PTBP2: variants seen among roughly 807,000 people sequenced by gnomAD.
PTBP2 encodes the protein polypyrimidine tract-binding protein 2.
A neutral mutation model predicts 61.4 loss-of-function variants in PTBP2; 13 were observed. That is an observed-to-expected ratio of 0.21 (90% CI 0.14 to 0.34). PTBP2 has a LOEUF of 0.34. Among genes scored for constraint, PTBP2 ranks in the 10% least tolerant of loss-of-function variants. PTBP2 has a pLI of 1.00. For synonymous variants in PTBP2, 215 were observed against 218.5 expected (o/e 0.98, Z 0.14); for missense variants, 405 against 642.6 (o/e 0.63, Z 4.00).
Position 96,777,920 on chromosome 1 carries a change from C to G in PTBP2, c.682C>G (p.Pro228Ala). The G allele has an allele frequency of 6.4e-7, 1 of 1,574,366 alleles. No homozygotes were observed. The highest frequency in any genetic ancestry group is 2.3e-5 in the East Asian group (1 of 44,126). The change falls in exon 7 of 14, where the codon CCA becomes GCA. Residue 228 changes from proline (P) to alanine (A), a missense_variant. Around this residue, in one of 4 missense-constraint regions of PTBP2, gnomAD observed 342 missense variants for 491.2 expected, o/e 0.70. Transcript: ENST00000674951. ...QFQALLQYGD[P>A]VNAQQAKLAL... ...TCAAGCTTTGCTCCAGTATGGTGAT[C>G]CAGTAAATGCTCAACAAGCAAAACT...
chr1:96,785,656 A>T (rs1659132877), intron 8 of PTBP2, among the ~76,000 whole-genome samples: 1 of 152,180 alleles, frequency 6.6e-6, no homozygotes, highest in Admixed American at 6.5e-5. Flanking sequence ...TTAATTTAGC[A>T]TTGCATGGAA....
At chr1:96,806,346 C>T in intron 9 of PTBP2, 73 bp from the exon 10 acceptor site, 1 of 1,190,000 alleles carries the variant, frequency 8.4e-7, no homozygotes, top group Non-Finnish European at 1.3e-6. Context: ...TATGGATGAT[C>T]TGTTCATCTC....
At chr1:96,723,535 G>A (rs3762411) in intron 1 of PTBP2, 29 bp from the exon 2 acceptor site, 825,754 of 1,554,760 alleles carry the variant, frequency 0.53, 223,035 homozygotes, top group African/African-American at 0.71. Flanking sequence ...AATAACAGGA[G>A]GTTGAAACTA....
At chr1:96,805,777 G>A (rs565283946) in intron 9 of PTBP2, among the ~76,000 whole-genome samples, 1 of 152,208 alleles carries the variant, frequency 6.6e-6, no homozygotes, top group African/African-American at 2.4e-5. Context: ...TTGAATCAGA[G>A]TGCCTTTGTT....
chr1:96,728,930 A>G (rs754329351), intron 2 of PTBP2, among the ~76,000 whole-genome samples: 37 of 151,928 alleles, frequency 2.4e-4, no homozygotes, highest in African/African-American at 6.0e-4. Context: ...TTAATTTCCA[A>G]TTGTTTGCTA....
chr1:96,800,033 G>A (rs1660813555), intron 8 of PTBP2, among the ~76,000 whole-genome samples: 1 of 152,182 alleles, frequency 6.6e-6, no homozygotes, highest in South Asian at 2.1e-4. Flanking sequence ...GCCGCGGGGA[G>A]GAAATAATGA....
At chr1:96,752,839 G>A (rs536327895) in intron 3 of PTBP2, among the ~76,000 whole-genome samples, 1 of 152,214 alleles carries the variant, frequency 6.6e-6, no homozygotes, top group South Asian at 2.1e-4. Context: ...CTGTTGTTTG[G>A]AAGTGATGAG....
At chr1:96,754,209 C>T (rs372071042) in intron 3 of PTBP2, among the ~76,000 whole-genome samples, 61 of 152,126 alleles carry the variant, frequency 4.0e-4, no homozygotes, top group African/African-American at 1.3e-3. Context: ...GGAAAAAAAG[C>T]GAATTTCTTT....
At chr1:96,822,874 C>T (rs2101328289) in exon 14 of PTBP2, 1 of 151,964 alleles carries the variant, frequency 6.6e-6, no homozygotes, top group African/African-American at 2.4e-5. Flanking sequence ...TCCATGGTAA[C>T]TTAAAACATT....
intron 3 of PTBP2, among the ~76,000 whole-genome samples, chr1:96,769,345 G>A (rs1020488108): frequency 1.3e-5 from 2 of 151,960 alleles, no homozygotes; most frequent in South Asian, 4.1e-4. Flanking sequence ...TATGTGGCCT[G>A]TCAATGACCA....
chr1:96,801,647 G>C (rs1219033780), intron 8 of PTBP2, among the ~76,000 whole-genome samples: 1 of 151,716 alleles, frequency 6.6e-6, no homozygotes, highest in Non-Finnish European at 1.5e-5. Context: ...CTGAGGTCAG[G>C]AGTTCAAGAC....
intron 2 of PTBP2, among the ~76,000 whole-genome samples, chr1:96,747,711 TAAGAA>T (rs1438153361): frequency 6.6e-6 from 1 of 152,142 alleles, no homozygotes; most frequent in Non-Finnish European, 1.5e-5. Flanking sequence ...CCTGTTGGTA[TAAGAA>T]AGTGGTATCA....
At chr1:96,727,431 G>T (rs1255830508) in intron 2 of PTBP2, among the ~76,000 whole-genome samples, 2 of 152,084 alleles carry the variant, frequency 1.3e-5, no homozygotes, top group African/African-American at 4.8e-5. Flanking sequence ...GGAAAGTCTG[G>T]ATCATGTGAT....
chr1:96,730,291 G>A (rs564369467), intron 2 of PTBP2, among the ~76,000 whole-genome samples: 1 of 152,106 alleles, frequency 6.6e-6, no homozygotes, highest in Admixed American at 6.5e-5. Flanking sequence ...AGTTAACATT[G>A]AAGTTAATGT....
At chr1:96,774,524 T>C (rs1326285465) in intron 5 of PTBP2, among the ~76,000 whole-genome samples, 1 of 152,194 alleles carries the variant, frequency 6.6e-6, no homozygotes, top group East Asian at 1.9e-4. Flanking sequence ...GACATGCAAA[T>C]GAGTATGCAT....
chr1:96,819,109 C>G (rs1283731199), downstream of PTBP2: 1 of 151,874 alleles, frequency 6.6e-6, no homozygotes, highest in Non-Finnish European at 1.5e-5. Context: ...CAAATTAATA[C>G]TCAATTCCTG....
At chr1:96,791,829 T>TTTTTTGTTTTTTTTTTTG (rs1227829597) in intron 8 of PTBP2, among the ~76,000 whole-genome samples, 4 of 125,760 alleles carry the variant, frequency 3.2e-5, no homozygotes, top group African/African-American at 1.4e-4. Flanking sequence ...AGTTGTGCTT[T>TTTTTTGTTTTTTTTTTTG]TTTTTTTTTT....
intron 3 of PTBP2, among the ~76,000 whole-genome samples, chr1:96,762,979 T>C (rs1483202071): frequency 1.8e-5 from 2 of 114,196 alleles, no homozygotes; most frequent in African/African-American, 6.9e-5. Flanking sequence ...TCTCAGACGA[T>C]GGGCGGCCGG....
chr1:96,774,865 A>G (rs186166335), intron 5 of PTBP2, among the ~76,000 whole-genome samples: 18 of 151,996 alleles, frequency 1.2e-4, no homozygotes, highest in African/African-American at 4.3e-4. Context: ...GACTACTCCC[A>G]CCCTATTTGC....
Sources: gnomAD v4.1 joint callset for allele counts (sites outside exome capture counted in the v4.1 genomes callset) on GRCh38, gnomAD v4.1.1 for gene constraint, gnomAD v4.1.1 regional missense constraint, MANE v1.5 for transcripts, NCBI Gene and HGNC (gene_info 2026-07-23, HGNC 2026-07-21) for gene names.